DLG5: variants seen among roughly 807,000 people sequenced by gnomAD.
DLG5 encodes disks large homolog 5.
In DLG5, 48 loss-of-function variants were observed where a neutral mutation model predicts 189.8. That is an observed-to-expected ratio of 0.25 (90% CI 0.20 to 0.32). The LOEUF is 0.32. DLG5 is among the 10% of genes least tolerant of loss of function. DLG5 has a pLI of 1.00. For synonymous variants in DLG5, 1,016 were observed against 1,054.1 expected, an observed-to-expected ratio of 0.96 and a Z score of 0.70; for missense variants, 2,160 against 2,544.7, an observed-to-expected ratio of 0.85 and a Z score of 3.25.
the DLG5 span, among the ~76,000 whole-genome samples, chr10:77,936,975 C>G: frequency 6.6e-6 from 1 of 152,100 alleles, no homozygotes; most frequent in African/African-American, 2.4e-5. Flanking sequence ...CCTGAACAGC[C>G]TTCTCGGTGA....
chr10:77,816,959 C>A, intron 19 of DLG5, 48 bp downstream of exon 19: 1 of 1,589,584 alleles, frequency 6.3e-7, no homozygotes, highest in Admixed American at 1.7e-5. Flanking sequence ...CATGAGGAGT[C>A]AGACCGCAGG....
chr10:77,823,070 C>G (rs1842447134), intron 14 of DLG5, among the ~76,000 whole-genome samples: 1 of 152,218 alleles, frequency 6.6e-6, no homozygotes. Flanking sequence ...ATAGTTAATA[C>G]TAATGCATCC....
chr10:77,856,629 T>G (rs1294875004), intron 3 of DLG5, 101 bp downstream of exon 3: 1 of 1,461,150 alleles, frequency 6.8e-7, no homozygotes, highest in Admixed American at 1.9e-5. Flanking sequence ...CAGCGCAGCC[T>G]GGACCCCCAG....
chr10:77,806,236 C>A, intron 26 of DLG5: 1 of 264,624 alleles, frequency 3.8e-6, no homozygotes, highest in Non-Finnish European at 7.2e-6. Context: ...GTGACAGGAG[C>A]CAGATGAAAG....
intron 1 of DLG5, among the ~76,000 whole-genome samples, chr10:77,907,525 G>A (rs941298341): frequency 6.6e-6 from 1 of 152,164 alleles, no homozygotes; most frequent in Non-Finnish European, 1.5e-5. Flanking sequence ...GTGGCCATGA[G>A]CTGAGATCAT....
chr10:77,815,013 C>T (rs531437446), intron 20 of DLG5, among the ~76,000 whole-genome samples: 4 of 152,126 alleles, frequency 2.6e-5, no homozygotes, highest in African/African-American at 7.2e-5. Flanking sequence ...TCCTAACCAC[C>T]GTGAGGGCAG....
intron 7 of DLG5, among the ~76,000 whole-genome samples, chr10:77,838,755 C>T (rs1843272699): frequency 6.6e-6 from 1 of 152,222 alleles, no homozygotes; most frequent in South Asian, 2.1e-4. Flanking sequence ...CCACAGCTGA[C>T]CCCTGACAGG....
intron 1 of DLG5, among the ~76,000 whole-genome samples, chr10:77,908,896 GAGA>G (rs1218481519): frequency 6.6e-6 from 1 of 152,204 alleles, no homozygotes; most frequent in East Asian, 1.9e-4. Context: ...AATGGAAGGT[GAGA>G]AGGAGGAAGT....
chr10:77,850,899 C>T (rs1237850237), intron 5 of DLG5, among the ~76,000 whole-genome samples: 1 of 152,224 alleles, frequency 6.6e-6, no homozygotes, highest in East Asian at 1.9e-4. Context: ...GAGCCACATA[C>T]ACCTCTGAAA....
At chr10:77,844,874 G>A (rs566449125) in intron 5 of DLG5, among the ~76,000 whole-genome samples, 9 of 152,180 alleles carry the variant, frequency 5.9e-5, no homozygotes, top group Admixed American at 4.6e-4. Flanking sequence ...GCAGAGAGGG[G>A]GGCAGGGTCA....
chr10:77,871,934 C>T (rs1438771322), intron 1 of DLG5, among the ~76,000 whole-genome samples: 5 of 152,090 alleles, frequency 3.3e-5, no homozygotes, highest in African/African-American at 7.2e-5. Flanking sequence ...AAATGCAATT[C>T]GGGCAATCCA....
intron 1 of DLG5, among the ~76,000 whole-genome samples, chr10:77,876,311 G>A (rs2154577243): frequency 6.6e-6 from 1 of 152,076 alleles, no homozygotes; most frequent in South Asian, 2.1e-4. Context: ...GGCTGAAGCA[G>A]GAGGATCACT....
chr10:77,814,464 TATATATATATATATA>T lies in DLG5; in HGVS notation c.4025+2072_4025+2086del, dbSNP rs1841943620. ...GTACATAAATAATAAAGCATGTTTA[TATATATATATATATA>T]TATATATATATATATATATATATAT... On this transcript the variant is annotated intron_variant, in intron 20 of 31. Coordinates refer to ENST00000372391, the MANE Select transcript of DLG5 (RefSeq NM_004747.4). Among the ~76,000 whole-genome samples the T allele has an allele frequency of 1.7e-4, 5 of 30,088 alleles. No individual in the cohort carries two copies. In the South Asian group the frequency reaches 4.3e-3, roughly 26 times the overall value. The allele number at this position is 30,088 out of a possible 152,430, so 19.7% of individuals were successfully genotyped here.
At chr10:77,863,857 G>A (rs943001713) in intron 2 of DLG5, among the ~76,000 whole-genome samples, 9 of 152,140 alleles carry the variant, frequency 5.9e-5, no homozygotes, top group Admixed American at 1.3e-4. Context: ...CCAGCCCTGC[G>A]CTGCTCTTTT....
chr10:77,924,453 T>G (rs560796160), intron 1 of DLG5, among the ~76,000 whole-genome samples: 50 of 152,318 alleles, frequency 3.3e-4, no homozygotes, highest in Admixed American at 1.6e-3. Flanking sequence ...TTTCAGAGAT[T>G]AAGGCGAGCG....
intron 23 of DLG5, among the ~76,000 whole-genome samples, 158 bp from the exon 24 acceptor site, chr10:77,809,888 C>T (rs962994404): frequency 5.3e-5 from 8 of 152,110 alleles, no homozygotes; most frequent in African/African-American, 1.9e-4. Flanking sequence ...GCTCGGCGTT[C>T]GGGACAGGAT....
chr10:77,889,764 G>A lies in DLG5; in HGVS notation c.305-20567C>T, dbSNP rs1001243832. Among the ~76,000 whole-genome samples the A allele has an allele frequency of 2.3e-4, 35 of 152,312 alleles. No individual in the cohort carries two copies. The South Asian group carries it at 4.4e-3, about 19-fold the overall frequency. On this transcript the variant is annotated intron_variant, in intron 1 of 31. Transcript: ENST00000372391. Reference sequence around the variant, plus strand: ...GACATTGGAGGGCAAGAAAAGAAAAGGTGTTACAAGGAGGAGGCTAGAACC... The same window carrying A: ...GACATTGGAGGGCAAGAAAAGAAAAAGTGTTACAAGGAGGAGGCTAGAACC...
chr10:77,897,508 T>C (rs954430752), intron 1 of DLG5, among the ~76,000 whole-genome samples: 5 of 152,134 alleles, frequency 3.3e-5, no homozygotes, highest in Admixed American at 6.5e-5. Context: ...AATAAACTAA[T>C]GTTTAGGCAA....
chr10:77,801,967 T>TGA (rs762137386), intron 27 of DLG5, among the ~76,000 whole-genome samples: 4 of 152,004 alleles, frequency 2.6e-5, no homozygotes, highest in Admixed American at 2.6e-4. Context: ...CAGAGGGAGT[T>TGA]GAGAGAGAGA....
Sources: allele counts gnomAD v4.1 joint callset (sites outside exome capture counted in the v4.1 genomes callset), GRCh38; gene constraint gnomAD v4.1.1; transcripts MANE v1.5; gene names NCBI Gene and HGNC (gene_info 2026-07-23, HGNC 2026-07-21).